ATXN2: variants seen among roughly 807,000 people sequenced by gnomAD.
ATXN2 encodes the protein ataxin-2.
ATXN2 carries 37 observed loss-of-function variants against 138.6 expected under a neutral mutation model. The observed-to-expected ratio is 0.27, with a 90% confidence interval of 0.21 to 0.35. The LOEUF is 0.35. Ranked by LOEUF, ATXN2 falls within the 10% of genes least tolerant of loss-of-function variation. The probability of loss-of-function intolerance (pLI) is 1.00; values close to 1 mark genes in which losing one functional copy is unlikely to be tolerated. For missense variants in ATXN2, 1,216 were observed against 1,480.3 expected (o/e 0.82, Z 2.93); for synonymous variants, 549 against 543.7 (o/e 1.01, Z -0.13).
In ATXN2 at chr12:111,457,329, G is replaced by T; in HGVS notation, c.2927C>A (p.Ala976Glu). 6.2e-7 allele frequency: 1 copy of T among 1,613,170 alleles called. No individual in the cohort carries two copies. Among genetic ancestry groups the T allele is most frequent in the Non-Finnish European group, 8.5e-7 (1 of 1,179,658 alleles). Reference sequence around the variant, plus strand: ...TGGGTGCAGGGTAGCGTTAGGGTGCGCATACTGCTGAGCAAGGGAGCCCGT... The same window carrying T: ...TGGGTGCAGGGTAGCGTTAGGGTGCTCATACTGCTGAGCAAGGGAGCCCGT... ...ISTGSLAQQY[A>E]HPNATLHPHT... is the part of the protein sequence containing the mutation. Residue 976 changes from alanine (A) to glutamate (E), a missense_variant, in exon 22 of 25, where the codon GCG (alanine) becomes GAG (glutamate). Ala to Glu is a moderately radical substitution (Grantham distance 107). Transcript: ENST00000673436.
chr12:111,505,730 T>C (rs1879064407), intron 14 of ATXN2, among the ~76,000 whole-genome samples: 1 of 152,198 alleles, frequency 6.6e-6, no homozygotes, highest in Non-Finnish European at 1.5e-5. Context: ...GAAACCCTCA[T>C]ACCCTGCTGG....
intron 5 of ATXN2, among the ~76,000 whole-genome samples, chr12:111,529,356 A>G (rs765031358): frequency 1.0e-5 from 1 of 96,238 alleles, no homozygotes; most frequent in Non-Finnish European, 2.3e-5. Context: ...TGACTATTAG[A>G]AAAGTGTTAC....
chr12:111,459,118 A>G lies in ATXN2; in HGVS notation c.2897-1759T>C, dbSNP rs527390548. Among the ~76,000 whole-genome samples, 5 of 152,340 alleles carry G rather than the reference A, an allele frequency of 3.3e-5. No homozygotes were observed. The East Asian group carries it at 9.6e-4, about 29-fold the overall frequency. On this transcript the variant is annotated intron_variant, in intron 21 of 24. Transcript: ENST00000673436. Reference sequence around the variant, plus strand: ...TTTTCCAGACTGTAGGAATTAACATATGCCAGAATATTTTAACAAGAAAAC... The same window carrying G: ...TTTTCCAGACTGTAGGAATTAACATGTGCCAGAATATTTTAACAAGAAAAC...
At chr12:111,513,222 TC>T in intron 11 of ATXN2, 134 bp downstream of exon 11, 1 of 997,892 alleles carries the variant, frequency 1.0e-6, no homozygotes, top group Non-Finnish European at 1.4e-6. Context: ...AATATGGGTT[TC>T]CCAATTCCTG....
chr12:111,581,804 G>A (rs1884021831), intron 1 of ATXN2: 2 of 492,368 alleles, frequency 4.1e-6, no homozygotes, highest in Non-Finnish European at 7.7e-6. Flanking sequence ...TCTAGGCCAG[G>A]AGCTCTGCCC....
chr12:111,599,434 C>T, upstream of ATXN2: 1 of 1,188,558 alleles, frequency 8.4e-7, no homozygotes, highest in Non-Finnish European at 1.0e-6. Flanking sequence ...GCGAGCGCCA[C>T]CCGGGCCACC....
At chr12:111,504,335 C>T (rs1878971838) in intron 14 of ATXN2, among the ~76,000 whole-genome samples, 1 of 152,114 alleles carries the variant, frequency 6.6e-6, no homozygotes, top group Non-Finnish European at 1.5e-5. Context: ...CTCTGTCGCC[C>T]ACACTGGAGT....
At chr12:111,593,101 G>A (rs1228311518) in intron 1 of ATXN2, among the ~76,000 whole-genome samples, 1 of 151,666 alleles carries the variant, frequency 6.6e-6, no homozygotes, top group African/African-American at 2.4e-5. Context: ...TGTTTGTTTT[G>A]AGACAGAGTC....
At chr12:111,458,392 T>A (rs1298809828) in intron 21 of ATXN2, 1 of 152,270 alleles carries the variant, frequency 6.6e-6, no homozygotes, top group African/African-American at 2.4e-5. Context: ...CCTCCCAAAG[T>A]GCTGGGATTA....
intron 1 of ATXN2, among the ~76,000 whole-genome samples, chr12:111,574,440 G>A (rs1417349101): frequency 2.7e-5 from 4 of 150,348 alleles, no homozygotes; most frequent in African/African-American, 4.9e-5. Flanking sequence ...TTTTTTTGGC[G>A]GTGGGGGGAT....
intron 23 of ATXN2, chr12:111,455,756 AAAG>A (rs1875039398): frequency 3.7e-6 from 2 of 533,536 alleles, no homozygotes; most frequent in South Asian, 2.0e-5. Context: ...CACAGAAAGG[AAAG>A]AAGGACTGGG....
chr12:111,508,681 A>C (rs1453968005), intron 14 of ATXN2, among the ~76,000 whole-genome samples: 1 of 152,024 alleles, frequency 6.6e-6, no homozygotes, highest in Admixed American at 6.6e-5. Context: ...TCCTGACCTT[A>C]GGTGATCTGC....
At chr12:111,496,305 G>A (rs1878418565) in intron 14 of ATXN2, among the ~76,000 whole-genome samples, 1 of 152,134 alleles carries the variant, frequency 6.6e-6, no homozygotes, top group South Asian at 2.1e-4. Context: ...GCCAAGGTGG[G>A]TGGATCATCT....
chr12:111,551,017 G>A (rs769936420), intron 5 of ATXN2, among the ~76,000 whole-genome samples: 99 of 152,152 alleles, frequency 6.5e-4, no homozygotes, highest in Non-Finnish European at 1.1e-3. Flanking sequence ...TTTTAGAACC[G>A]GCTGGGTGCA....
At chr12:111,500,523 C>T (rs1380651092) in intron 14 of ATXN2, among the ~76,000 whole-genome samples, 2 of 152,034 alleles carry the variant, frequency 1.3e-5, no homozygotes, top group South Asian at 2.1e-4. Flanking sequence ...TTAGAAAGAA[C>T]GAATAAGAAC....
At chr12:111,492,215 C>A (rs1878079683) in intron 14 of ATXN2, among the ~76,000 whole-genome samples, 1 of 152,190 alleles carries the variant, frequency 6.6e-6, no homozygotes, top group Non-Finnish European at 1.5e-5. Flanking sequence ...GGACAAGAGA[C>A]TGCCTGGTAA....
chr12:111,561,978 A>T (rs1198288762), intron 1 of ATXN2, among the ~76,000 whole-genome samples: 2 of 151,524 alleles, frequency 1.3e-5, no homozygotes, highest in Non-Finnish European at 2.9e-5. Context: ...TGCCCAGTTA[A>T]TTTTTTGTAT....
intron 14 of ATXN2, among the ~76,000 whole-genome samples, chr12:111,496,473 T>C (rs1221448901): frequency 6.6e-6 from 1 of 151,796 alleles, no homozygotes; most frequent in Non-Finnish European, 1.5e-5. Flanking sequence ...GAGGCAGAGG[T>C]TGCAGTAAGC....
Position 111,456,165 on chromosome 12 carries a change from G to C in ATXN2, c.3134C>G (p.Pro1045Arg). The C allele has an allele frequency of 6.2e-7, 1 of 1,614,244 alleles. No individual in the cohort carries two copies. The highest frequency in any genetic ancestry group is 8.5e-7 in the Non-Finnish European group (1 of 1,180,044). The change falls in exon 23 of 25, where the codon CCC becomes CGC. Residue 1045 changes from proline to arginine, a missense_variant. This residue lies in a region of ATXN2 where 490 missense variants were observed against 653.5 expected (regional missense o/e 0.75). Coordinates refer to ENST00000673436, the MANE Select transcript of ATXN2 (RefSeq NM_001372574.1). ...CGTGTTGGAGGCAGGTGTCATGGAG[G>C]GTGGAGTTGGCGCAAGCCCCGCGTG... ...IYHAGLAPTPPSMTPASNTQS... is the reference protein window; with the variant it reads ...IYHAGLAPTPRSMTPASNTQS...
Sources: gnomAD v4.1 joint callset for allele counts (sites outside exome capture counted in the v4.1 genomes callset) on GRCh38, gnomAD v4.1.1 for gene constraint, gnomAD v4.1.1 regional missense constraint, MANE v1.5 for transcripts, NCBI Gene and HGNC (gene_info 2026-07-23, HGNC 2026-07-21) for gene names.